Variants in ARL15 observed in about 807,000 individuals in gnomAD.
ARL15 encodes ARF like GTPase 15.
ARL15 carries 19 observed loss-of-function variants against 25.2 expected under a neutral mutation model. The observed-to-expected ratio is 0.75, with a 90% CI of 0.53 to 1.10. The LOEUF is 1.10. Ranked by LOEUF, ARL15 falls within the 50% of genes least tolerant of loss-of-function variation. The pLI, the probability that ARL15 is intolerant of heterozygous loss-of-function variation, is 0.00. For missense variants in ARL15, 220 were observed against 246.0 expected, an observed-to-expected ratio of 0.89 and a Z score of 0.71; for synonymous variants, 94 against 86.8, an observed-to-expected ratio of 1.08 and a Z score of -0.46.
chr5:53,945,849 T>C (rs1746708595), intron 4 of ARL15, among the ~76,000 whole-genome samples: 2 of 152,174 alleles, frequency 1.3e-5, no homozygotes, highest in Admixed American at 1.3e-4. Context: ...GGAAGGACCT[T>C]GCAGGCCAGG....
chr5:54,233,716 A>G (rs1756730522), intron 1 of ARL15, among the ~76,000 whole-genome samples: 1 of 152,232 alleles, frequency 6.6e-6, no homozygotes, highest in Non-Finnish European at 1.5e-5. Flanking sequence ...GATTGTTTAG[A>G]TATAGAATCA....
intron 3 of ARL15, among the ~76,000 whole-genome samples, chr5:54,128,146 G>C (rs1235498298): frequency 6.6e-6 from 1 of 152,160 alleles, no homozygotes; most frequent in African/African-American, 2.4e-5. Context: ...GGCTTACCTA[G>C]AAAATTCTTA....
At chr5:54,012,522 TTTTC>T (rs1749278704) in intron 4 of ARL15, among the ~76,000 whole-genome samples, 1 of 151,750 alleles carries the variant, frequency 6.6e-6, no homozygotes, top group Non-Finnish European at 1.5e-5. Context: ...ATAATATTTC[TTTTC>T]TTTTTTTTTT....
intron 1 of ARL15, among the ~76,000 whole-genome samples, chr5:54,202,125 G>A (rs76497986): frequency 0.014 from 2,111 of 152,152 alleles, 18 homozygotes; most frequent in Middle Eastern, 0.027. Context: ...TTATTTCTTA[G>A]GCAAGTATAA....
intron 1 of ARL15, among the ~76,000 whole-genome samples, chr5:54,193,766 T>C (rs886153875): frequency 3.3e-5 from 5 of 151,710 alleles, no homozygotes; most frequent in African/African-American, 1.2e-4. Context: ...CTTCGACTTA[T>C]GTACTCTGCC....
At chr5:53,962,533 T>C (rs1280327232) in intron 4 of ARL15, among the ~76,000 whole-genome samples, 1 of 152,122 alleles carries the variant, frequency 6.6e-6, no homozygotes, top group Non-Finnish European at 1.5e-5. Context: ...ACAGTAAGTT[T>C]CATTTCGAAA....
At chr5:53,909,038 C>T (rs1010012767) in intron 4 of ARL15, among the ~76,000 whole-genome samples, 7 of 152,082 alleles carry the variant, frequency 4.6e-5, no homozygotes, top group South Asian at 2.1e-4. Flanking sequence ...CTAAATTATT[C>T]GGGAGAGTAA....
chr5:53,920,881 AGGCCT>A (rs1308986473), intron 4 of ARL15, among the ~76,000 whole-genome samples: 2 of 152,256 alleles, frequency 1.3e-5, no homozygotes, highest in African/African-American at 4.8e-5. Context: ...CACAACCTCC[AGGCCT>A]GGCTCAAACT....
In ARL15 at chr5:54,246,132, C is replaced by T. The variant is rs1020850865; in HGVS notation, c.48+64300G>A. 3.5e-5 allele frequency among the ~76,000 whole-genome samples: 4 copies of T among 113,154 alleles called. No homozygotes were observed. In the South Asian group the frequency reaches 8.9e-4, roughly 25 times the overall value. The allele number at this position is 113,154 out of a possible 152,430, so 74.2% of individuals were successfully genotyped here. A position where few individuals can be genotyped will look rare whatever the true frequency, so the allele number is the denominator to read the frequency against. ...GTCCTAGAAAGTCTATAAAGATCTTCACTCACTTTTTTTTTTTTTGAAACA... is the reference window on the plus strand; with the variant it reads ...GTCCTAGAAAGTCTATAAAGATCTTTACTCACTTTTTTTTTTTTTGAAACA... On this transcript the variant is annotated intron_variant, in intron 1 of 4. Transcript: ENST00000504924.
intron 1 of ARL15, among the ~76,000 whole-genome samples, chr5:54,228,946 T>A (rs3797238): frequency 0.52 from 78,631 of 151,960 alleles, 22,259 homozygotes; most frequent in Non-Finnish European, 0.64. Flanking sequence ...GGGAGAAGCA[T>A]GTTAAGGTGT....
intron 1 of ARL15, among the ~76,000 whole-genome samples, chr5:54,279,479 G>A (rs1006187406): frequency 3.3e-5 from 5 of 152,014 alleles, no homozygotes; most frequent in East Asian, 1.9e-4. Flanking sequence ...CAAGCCCTTC[G>A]GTGTCTCTTC....
intron 4 of ARL15, among the ~76,000 whole-genome samples, chr5:54,004,222 T>C (rs56060165): frequency 0.15 from 22,256 of 152,078 alleles, 1,960 homozygotes; most frequent in East Asian, 0.45. Context: ...CGGCCGGGTG[T>C]GGTGGCTCAC....
chr5:54,112,779 TCCTA>T (rs1351327992), intron 4 of ARL15, among the ~76,000 whole-genome samples: 1 of 152,142 alleles, frequency 6.6e-6, no homozygotes, highest in Non-Finnish European at 1.5e-5. Flanking sequence ...GATCCATTAA[TCCTA>T]GTCAACATTG....
chr5:54,040,803 G>A (rs1750319800), intron 4 of ARL15, among the ~76,000 whole-genome samples: 1 of 152,150 alleles, frequency 6.6e-6, no homozygotes, highest in African/African-American at 2.4e-5. Flanking sequence ...TTTTTATGGT[G>A]TAGTTTTTAT....
In ARL15 at chr5:54,283,349, A is replaced by C. The variant is rs911739727; in HGVS notation, c.48+27083T>G. On this transcript the variant is annotated intron_variant, in intron 1 of 4. Transcript: ENST00000504924. ...GGAAAGCCAAAGGCTATATGCGTGG[A>C]CATTAAAAATAAAAATTACAGCAAT... is the stretch of plus-strand genomic sequence containing the variant. Among the ~76,000 whole-genome samples the C allele has an allele frequency of 2.0e-5, 3 of 152,264 alleles. No individual in the cohort carries two copies. The East Asian group carries it at 5.8e-4, about 29-fold the overall frequency.
At chr5:54,171,042 G>C (rs1293341076) in intron 2 of ARL15, among the ~76,000 whole-genome samples, 1 of 152,112 alleles carries the variant, frequency 6.6e-6, no homozygotes, top group Admixed American at 6.6e-5. Context: ...ATTGTCAGAA[G>C]AGAAAGAGGA....
chr5:54,069,304 C>T (rs1751341804), intron 4 of ARL15, among the ~76,000 whole-genome samples: 2 of 152,128 alleles, frequency 1.3e-5, no homozygotes, highest in African/African-American at 2.4e-5. Context: ...GGCTCAGTGG[C>T]TCACGCCTAT....
chr5:54,021,278 T>G lies in ARL15; in HGVS notation c.462+91924A>C, dbSNP rs901344234. On this transcript the variant is annotated intron_variant, in intron 4 of 4. Transcript: ENST00000504924. The stretch of plus-strand genomic sequence containing the variant: ...TGAACCCGGGAGGCGGAGATTGCAG[T>G]GAGCTGAGATCATGCCATTGCACTC... Among the ~76,000 whole-genome samples the G allele has an allele frequency of 2.4e-4, 36 of 152,088 alleles. 1 individual carries two copies. The highest frequency in any genetic ancestry group is 8.2e-4 in the African/African-American group (34 of 41,398).
chr5:53,955,956 C>T (rs776227448), intron 4 of ARL15, among the ~76,000 whole-genome samples: 31 of 152,106 alleles, frequency 2.0e-4, no homozygotes, highest in Non-Finnish European at 3.5e-4. Flanking sequence ...ATACGAGTCC[C>T]AAAAATATGG....
Sources: gnomAD v4.1 joint callset for allele counts (sites outside exome capture counted in the v4.1 genomes callset) on GRCh38, gnomAD v4.1.1 for gene constraint, MANE v1.5 for transcripts, NCBI Gene and HGNC (gene_info 2026-07-23, HGNC 2026-07-21) for gene names.